Variants in ZNF619 observed in about 807,000 individuals in gnomAD.
ZNF619 encodes zinc finger protein 619.
Under a neutral mutation model 14.2 loss-of-function variants are expected in ZNF619, and 9 were observed. That is an observed-to-expected ratio of 0.64 (90% CI 0.38 to 1.11). The LOEUF is 1.11. Ranked by LOEUF, ZNF619 falls within the 50% of genes least tolerant of loss-of-function variation. The probability of loss-of-function intolerance (pLI) is 0.01; values close to 1 mark genes in which losing one functional copy is unlikely to be tolerated. For synonymous variants in ZNF619, 246 were observed against 252.8 expected (o/e 0.97, Z 0.26); for missense variants, 659 against 680.1 (o/e 0.97, Z 0.34).
At position 40,487,583 on chromosome 3, in the gene ZNF619, T is replaced by A. The variant is rs1697649235; in HGVS notation, c.1073T>A (p.Val358Asp). The change falls in exon 5 of 5, where the codon GTT (valine) becomes GAT (aspartate). Residue 358 changes from valine (V) to aspartate (D), a missense_variant. By Grantham distance (152) the Val-to-Asp change is radical. Transcript: ENST00000432264. ...ECGKSLSSNS[V>D]LIQHQRIHTG... ...GGGAAGAGTTTGAGTTCTAATTCAG[T>A]TCTGATTCAGCATCAGAGAATCCAC... The A allele has an allele frequency of 6.2e-7, 1 of 1,613,694 alleles. No homozygotes were observed. The highest frequency in any genetic ancestry group is 1.7e-5 in the Admixed American group (1 of 59,978).
chr3:40,483,292 G>T (rs1367131480), intron 4 of ZNF619, among the ~76,000 whole-genome samples: 28 of 140,038 alleles, frequency 2.0e-4, no homozygotes, highest in East Asian at 6.1e-4. Flanking sequence ...CTTGGTTTTG[G>T]TTTTTTTTTT....
chr3:40,482,883 C>T (rs1697453529), intron 4 of ZNF619, among the ~76,000 whole-genome samples, 179 bp downstream of exon 4: 2 of 152,194 alleles, frequency 1.3e-5, no homozygotes, highest in South Asian at 2.1e-4. Context: ...AGACGAGTCC[C>T]GCCATTTTAT....
rs1697738666 is a variant in ZNF619 at position 40,489,321 on chromosome 3, A to G, written c.*1080A>G. On this transcript the variant is annotated 3_prime_UTR_variant, in exon 5 of 5. Coordinates refer to ENST00000432264, the MANE Select transcript of ZNF619 (RefSeq NM_001145093.4). ...AATCCTCCCACCTCAGCTTCCCAAG[A>G]AGCTGGGAGGTAGTGCAGCCTCCCA... The G allele has an allele frequency of 6.8e-6, 1 of 147,058 alleles. No homozygotes were observed. The highest frequency in any genetic ancestry group is 1.5e-5 in the Non-Finnish European group (1 of 65,846). 9.1% of individuals were successfully genotyped at this position (147,058 alleles called of 1,614,324 possible).
chr3:40,484,627 G>A (rs1020318854), intron 4 of ZNF619, among the ~76,000 whole-genome samples: 3 of 152,156 alleles, frequency 2.0e-5, no homozygotes, highest in Admixed American at 6.5e-5. Flanking sequence ...CCTTGCCACA[G>A]GTGTACATTT....
Position 40,487,664 on chromosome 3 carries a change from C to T in ZNF619, c.1154C>T (p.Ser385Leu), listed in dbSNP as rs139131960. The change falls in exon 5 of 5, where the codon TCG (serine) becomes TTG (leucine). Residue 385 changes from serine to leucine, a missense_variant. Coordinates refer to ENST00000432264, the MANE Select transcript of ZNF619 (RefSeq NM_001145093.4). The stretch of plus-strand genomic sequence containing the variant: ...TGTGGCAAGGCCTTCCACCGCAGTT[C>T]GGTATTTCTTCAGCACCAGAGGTTC... ...KECGKAFHRS[S>L]VFLQHQRFHT... is the part of the protein sequence containing the mutation. 1.4e-4 allele frequency: 223 copies of T among 1,613,874 alleles called. 1 individual carries two copies. The highest frequency in any genetic ancestry group is 1.0e-3 in the South Asian group (95 of 91,048).
In ZNF619 at chr3:40,490,570, G is replaced by A. The variant is rs1559543528; in HGVS notation, c.*2329G>A. The stretch of plus-strand genomic sequence containing the variant: ...TTTCTTCTGCCTCTGTCACCCCTGA[G>A]ATGGCAAGACCAGTCTCCCTCCTCT... On this transcript the variant is annotated 3_prime_UTR_variant, in exon 5 of 5. Transcript: ENST00000432264. Among the ~76,000 whole-genome samples, 1 of 152,116 alleles carries A rather than the reference G, an allele frequency of 6.6e-6. No homozygotes were observed. The highest frequency in any genetic ancestry group is 2.4e-5 in the African/African-American group (1 of 41,428).
In ZNF619 at chr3:40,487,649, C is replaced by T. The variant is rs778644496; in HGVS notation, c.1139C>T (p.Ala380Val). Residue 380 changes from alanine to valine, a missense_variant, in exon 5 of 5, where the codon GCC (alanine) becomes GTC (valine). Ala to Val is a moderately conservative substitution (Grantham distance 64). Coordinates refer to ENST00000432264, the MANE Select transcript of ZNF619 (RefSeq NM_001145093.4). ...KPYECKECGK[A>V]FHRSSVFLQH... ...TATGAATGTAAAGAGTGTGGCAAGG[C>T]CTTCCACCGCAGTTCGGTATTTCTT... 1.2e-6 allele frequency: 2 copies of T among 1,613,830 alleles called. No homozygotes were observed. Among genetic ancestry groups the T allele is most frequent in the African/African-American group, 1.3e-5 (1 of 74,856 alleles).
chr3:40,478,823 T>C (rs1697286818), intron 2 of ZNF619, among the ~76,000 whole-genome samples: 1 of 151,498 alleles, frequency 6.6e-6, no homozygotes, highest in Non-Finnish European at 1.5e-5. Context: ...AATGTGTGTG[T>C]CCTTTTGGTG....
intron 4 of ZNF619, among the ~76,000 whole-genome samples, chr3:40,485,163 C>G (rs1697537759): frequency 1.3e-5 from 2 of 152,120 alleles, no homozygotes; most frequent in Admixed American, 1.3e-4. Flanking sequence ...GACCACTGTT[C>G]TTGACAATCT....
intron 2 of ZNF619, among the ~76,000 whole-genome samples, chr3:40,480,499 C>CTTT (rs36016449): frequency 0.053 from 7,097 of 132,966 alleles, 712 homozygotes; most frequent in African/African-American, 0.18. Flanking sequence ...CTGCATAGTA[C>CTTT]TTTTTTTTTT....
intron 3 of ZNF619, chr3:40,482,274 A>G (rs1697427950): frequency 3.9e-6 from 6 of 1,551,796 alleles, no homozygotes; most frequent in Admixed American, 3.9e-5. Flanking sequence ...GAGAACTGAG[A>G]AGGTTCCTGG....
At position 40,488,376 on chromosome 3, in the gene ZNF619, C is replaced by T; in HGVS notation, c.*135C>T. The T allele has an allele frequency of 1.6e-6, 1 of 620,792 alleles. No homozygotes were observed. Among genetic ancestry groups the T allele is most frequent in the South Asian group, 2.0e-5 (1 of 48,976 alleles). 38.5% of individuals were successfully genotyped at this position (620,792 alleles called of 1,614,324 possible). On this transcript the variant is annotated 3_prime_UTR_variant, in exon 5 of 5. Coordinates refer to ENST00000432264, the MANE Select transcript of ZNF619 (RefSeq NM_001145093.4). ...TTTTCCTAACTTCATTTTAAATTCT[C>T]ACGCTTAAGGACCATGTTTGATTAG...
rs118167434 is a variant in ZNF619 at position 40,490,961 on chromosome 3, G to A, written c.*2720G>A. 8.5e-5 allele frequency among the ~76,000 whole-genome samples: 13 copies of A among 152,256 alleles called. 1 individual carries two copies. In the East Asian group the frequency reaches 2.5e-3, roughly 29 times the overall value. ...CTTGCCATGTGATGCTTTCCATCATGTTATGACACAGCAAGAAGGCCAGAT... is the reference window on the plus strand; with the variant it reads ...CTTGCCATGTGATGCTTTCCATCATATTATGACACAGCAAGAAGGCCAGAT... On this transcript the variant is annotated 3_prime_UTR_variant, in exon 5 of 5. Coordinates refer to ENST00000432264, the MANE Select transcript of ZNF619 (RefSeq NM_001145093.4).
rs61740939 is a variant in ZNF619, at chr3:40,487,555, T to C, written c.1045T>C (p.Cys349Arg). ...NGEKPYECKE[C>R]GKSLSSNSVL... Reference sequence around the variant, plus strand: ...GGAGAAGCCCTATGAATGTAAGGAGTGTGGGAAGAGTTTGAGTTCTAATTC... The same window carrying C: ...GGAGAAGCCCTATGAATGTAAGGAGCGTGGGAAGAGTTTGAGTTCTAATTC... Residue 349 changes from cysteine to arginine, a missense_variant, in exon 5 of 5, where the codon TGT becomes CGT. Physicochemically the swap from Cys to Arg is radical, Grantham distance 180. Coordinates refer to ENST00000432264, the MANE Select transcript of ZNF619 (RefSeq NM_001145093.4). 473 of 1,613,842 alleles carry C rather than the reference T, an allele frequency of 2.9e-4. No individual in the cohort carries two copies. In the African/African-American group the frequency reaches 5.1e-3, roughly 17 times the overall value.
At chr3:40,481,814 A>C (rs969871661) in intron 2 of ZNF619, 49 bp from the exon 3 acceptor site, 3 of 1,560,562 alleles carry the variant, frequency 1.9e-6, no homozygotes, top group Non-Finnish European at 2.6e-6. Context: ...GATTCCAGTA[A>C]ATTTATCCCT....
chr3:40,479,501 G>A (rs949309034), intron 2 of ZNF619, among the ~76,000 whole-genome samples: 9 of 152,154 alleles, frequency 5.9e-5, no homozygotes, highest in South Asian at 2.1e-4. Context: ...ATCTTCGTGC[G>A]TTACAGATAA....
chr3:40,479,514 A>G (rs1697315776), intron 2 of ZNF619, among the ~76,000 whole-genome samples: 1 of 152,200 alleles, frequency 6.6e-6, no homozygotes. Flanking sequence ...ACAGATAATA[A>G]CTTAATGCCA....
chr3:40,488,185 G>A lies in ZNF619; in HGVS notation c.1675G>A (p.Ala559Thr), dbSNP rs376724031. 6.2e-5 allele frequency: 100 copies of A among 1,611,624 alleles called. No homozygotes were observed. Among genetic ancestry groups the A allele is most frequent in the Non-Finnish European group, 7.5e-5 (88 of 1,178,564 alleles). ...VQIAHFFQDL[A>T]FPGKSSLQSP... ...AATAGCACATTTTTTTCAGGATCTC[G>A]CTTTTCCTGGGAAGTCATCCCTTCA... Residue 559 changes from alanine (A) to threonine (T), a missense_variant, in exon 5 of 5, where the codon GCT becomes ACT. Transcript: ENST00000432264.
intron 4 of ZNF619, among the ~76,000 whole-genome samples, chr3:40,486,094 G>T (rs1408524772): frequency 1.3e-5 from 2 of 152,184 alleles, no homozygotes; most frequent in African/African-American, 4.8e-5. Flanking sequence ...GAGATCCACT[G>T]TTGTAGACAG....
Sources: allele counts gnomAD v4.1 joint callset (sites outside exome capture counted in the v4.1 genomes callset), GRCh38; gene constraint gnomAD v4.1.1; transcripts MANE v1.5; gene names NCBI Gene and HGNC (gene_info 2026-07-23, HGNC 2026-07-21).